Variants in LMBRD1 observed in about 807,000 individuals in gnomAD.
The protein encoded by LMBRD1 is lysosomal cobalamin transport escort protein LMBD1.
A neutral mutation model predicts 74.8 loss-of-function variants in LMBRD1; 64 were observed. That is an observed-to-expected ratio of 0.86 (90% CI 0.70 to 1.05). The LOEUF is 1.05. Among genes scored for constraint, LMBRD1 ranks in the 50% least tolerant of loss-of-function variants. The probability of loss-of-function intolerance (pLI) is 0.00; values close to 1 mark genes in which losing one functional copy is unlikely to be tolerated. For synonymous variants in LMBRD1, 204 were observed against 216.3 expected (o/e 0.94, Z 0.50); for missense variants, 652 against 645.9 (o/e 1.01, Z -0.10).
chr6:69,785,486 C>T (rs1283533153), intron 2 of LMBRD1, among the ~76,000 whole-genome samples: 1 of 152,174 alleles, frequency 6.6e-6, no homozygotes, highest in Non-Finnish European at 1.5e-5. Flanking sequence ...TAACTCTTTT[C>T]TCTACACCCC....
Position 69,706,552 on chromosome 6 carries a change from G to T in LMBRD1, c.916-4599C>A, listed in dbSNP as rs906562058. Among the ~76,000 whole-genome samples, 4 of 152,190 alleles carry T rather than the reference G, an allele frequency of 2.6e-5. No individual in the cohort carries two copies. In the East Asian group the frequency reaches 7.7e-4, roughly 29 times the overall value. ...CTTTTGTGTTCCCTGTACATTTGGA[G>T]AAAAGGTTATTTTCTATTATCTAGA... On this transcript the variant is annotated intron_variant, in intron 9 of 15. Coordinates refer to ENST00000649934, the MANE Select transcript of LMBRD1 (RefSeq NM_018368.4).
chr6:69,715,427 G>C (rs961244764), intron 8 of LMBRD1, among the ~76,000 whole-genome samples: 1 of 152,020 alleles, frequency 6.6e-6, no homozygotes, highest in African/African-American at 2.4e-5. Context: ...TTGACTAAAC[G>C]AATATAAGAA....
intron 14 of LMBRD1, among the ~76,000 whole-genome samples, chr6:69,693,958 A>G (rs1765942899): frequency 6.6e-6 from 1 of 152,100 alleles, no homozygotes. Flanking sequence ...CCATAAAACT[A>G]AAGGGTATGT....
chr6:69,713,938 C>A, intron 8 of LMBRD1, 141 bp from the exon 9 acceptor site: 1 of 799,962 alleles, frequency 1.3e-6, no homozygotes, highest in Admixed American at 2.4e-5. Flanking sequence ...AACCTGACAA[C>A]TGCAATATGA....
intron 3 of LMBRD1, among the ~76,000 whole-genome samples, chr6:69,758,899 A>G (rs9454887): frequency 0.08 from 12,227 of 152,080 alleles, 650 homozygotes; most frequent in Admixed American, 0.15. Flanking sequence ...GGTTCAAGAT[A>G]TACTTCTCCT....
intron 7 of LMBRD1, among the ~76,000 whole-genome samples, chr6:69,736,017 C>G (rs1766969272): frequency 7.1e-6 from 1 of 141,398 alleles, no homozygotes; most frequent in African/African-American, 2.5e-5. Context: ...TCATTCAGGT[C>G]TCTGTTCAGA....
chr6:69,761,493 G>C (rs2149882688), intron 3 of LMBRD1, among the ~76,000 whole-genome samples: 1 of 152,026 alleles, frequency 6.6e-6, no homozygotes, highest in East Asian at 1.9e-4. Flanking sequence ...TACAACTCTA[G>C]AAAATCAAAT....
chr6:69,794,340 C>T (rs947789775), intron 1 of LMBRD1, among the ~76,000 whole-genome samples: 5 of 152,116 alleles, frequency 3.3e-5, no homozygotes, highest in African/African-American at 1.2e-4. Context: ...AGCATAAATT[C>T]ATTTTATTGA....
intron 7 of LMBRD1, among the ~76,000 whole-genome samples, chr6:69,721,585 T>C (rs760690732): frequency 1.3e-5 from 2 of 152,170 alleles, no homozygotes; most frequent in Non-Finnish European, 2.9e-5. Flanking sequence ...ACCAAGCACA[T>C]TGTGGGCCTT....
In LMBRD1 at chr6:69,714,646, G is replaced by A. The variant is rs112365157; in HGVS notation, c.763-849C>T. Among the ~76,000 whole-genome samples the A allele has an allele frequency of 2.6e-3, 396 of 152,200 alleles. 1 individual carries two copies. The highest frequency in any genetic ancestry group is 4.7e-3 in the Non-Finnish European group (318 of 67,990). On this transcript the variant is annotated intron_variant, in intron 8 of 15. Transcript: ENST00000649934. ...AGAATGTCTTTAATATTCCTATTAAGGTTTAAATAGGTTCCTAGCAGATAC... is the reference window on the plus strand; with the variant it reads ...AGAATGTCTTTAATATTCCTATTAAAGTTTAAATAGGTTCCTAGCAGATAC...
At chr6:69,775,008 AGG>A (rs1765666566) in intron 3 of LMBRD1, among the ~76,000 whole-genome samples, 3 of 44,774 alleles carry the variant, frequency 6.7e-5, no homozygotes, top group Non-Finnish European at 9.3e-5. Context: ...GGAGGGAGGG[AGG>A]GAGGGAGGGA....
At position 69,741,867 on chromosome 6, in the gene LMBRD1, G is replaced by T; in HGVS notation, c.484C>A (p.Pro162Thr). Residue 162 changes from proline (P) to threonine (T), a missense_variant, in exon 6 of 16, where the codon CCA (proline) becomes ACA (threonine). By Grantham distance (38) the Pro-to-Thr change is conservative. Around this residue, in one of 3 missense-constraint regions of LMBRD1, gnomAD observed 598 missense variants for 581.8 expected, o/e 1.03. Transcript: ENST00000649934. ...TTTTTGTTATTGGGAACATTCAATG[G>T]AACAAAGGCACTACAAAAGAGAAAA... The part of the protein sequence containing the change: ...ALLLLVGAFV[P>T]LNVPNNKNST... 6.3e-7 allele frequency: 1 copy of T among 1,585,188 alleles called. No individual in the cohort carries two copies. The highest frequency in any genetic ancestry group is 1.1e-5 in the South Asian group (1 of 90,292).
intron 5 of LMBRD1, chr6:69,746,103 T>G (rs3778241): frequency 0.67 from 124,580 of 186,992 alleles, 42,841 homozygotes; most frequent in African/African-American, 0.87. Context: ...CCTCTTACAG[T>G]TGCAAGATTT....
chr6:69,681,055 T>C (rs1765649522), intron 14 of LMBRD1, among the ~76,000 whole-genome samples: 1 of 152,122 alleles, frequency 6.6e-6, no homozygotes, highest in African/African-American at 2.4e-5. Context: ...CAGAAACTTC[T>C]GACTGTTGTT....
intron 7 of LMBRD1, among the ~76,000 whole-genome samples, chr6:69,723,474 T>G (rs1050278237): frequency 2.0e-5 from 3 of 152,076 alleles, no homozygotes; most frequent in South Asian, 4.1e-4. Context: ...AAGCATCTTC[T>G]CTGACCACAA....
At chr6:69,710,720 T>TTA in intron 9 of LMBRD1, among the ~76,000 whole-genome samples, 1 of 152,128 alleles carries the variant, frequency 6.6e-6, no homozygotes, top group Non-Finnish European at 1.5e-5. Flanking sequence ...TACAAAAAGA[T>TTA]GCTAAATATC....
rs777393586 is a variant in LMBRD1 at position 69,796,915 on chromosome 6, G to A, written c.-34C>T. The A allele has an allele frequency of 1.1e-5, 17 of 1,604,346 alleles. No individual in the cohort carries two copies. Among genetic ancestry groups the A allele is most frequent in the East Asian group, 2.2e-5 (1 of 44,770 alleles). On this transcript the variant is annotated 5_prime_UTR_variant, in exon 1 of 16. Coordinates refer to ENST00000649934, the MANE Select transcript of LMBRD1 (RefSeq NM_018368.4). ...CCGGTCCAGACCAACCTGAGCGCCC[G>A]GGGTGGGGAAAGGGGAGGGGGAAAG...
intron 14 of LMBRD1, among the ~76,000 whole-genome samples, chr6:69,685,206 C>T (rs1765739243): frequency 1.3e-5 from 2 of 152,044 alleles, no homozygotes; most frequent in South Asian, 4.1e-4. Context: ...CGGATTCTGA[C>T]TGATGAAAAT....
chr6:69,716,188 C>A (rs1285617205), intron 8 of LMBRD1, among the ~76,000 whole-genome samples: 1 of 152,192 alleles, frequency 6.6e-6, no homozygotes, highest in Non-Finnish European at 1.5e-5. Flanking sequence ...TTTGTGGAAT[C>A]ACCATACTAC....
Sources: gnomAD v4.1 joint callset for allele counts (sites outside exome capture counted in the v4.1 genomes callset) on GRCh38, gnomAD v4.1.1 for gene constraint, gnomAD v4.1.1 regional missense constraint, MANE v1.5 for transcripts, NCBI Gene and HGNC (gene_info 2026-07-23, HGNC 2026-07-21) for gene names.